The following TRPS1 variants were observed in gnomAD, a reference collection of about 807,000 sequenced individuals.
TRPS1 encodes the protein transcriptional repressor GATA binding 1.
In TRPS1, 6 loss-of-function variants were observed where a neutral mutation model predicts 101.2. The observed-to-expected ratio is 0.06, with a 90% CI of 0.03 to 0.12. TRPS1 has a LOEUF of 0.12. TRPS1 is among the 10% of genes least tolerant of loss of function. TRPS1 has a pLI of 1.00. For missense variants in TRPS1, 1,363 were observed against 1,567.0 expected (o/e 0.87, Z 2.20); for synonymous variants, 578 against 589.8 (o/e 0.98, Z 0.29).
chr8:115,530,030 C>T lies in TRPS1; in HGVS notation c.2700+56971G>A, dbSNP rs534725951. Among the ~76,000 whole-genome samples the T allele has an allele frequency of 4.3e-4, 65 of 152,146 alleles. No homozygotes were observed. In the South Asian group the frequency reaches 8.7e-3, roughly 20 times the overall value. ...GTAACCAAAAGCTGAGCCTGAATAT[C>T]GGGTTCCTATATTTTCCTCCCAATC... On this transcript the variant is annotated intron_variant, in intron 5 of 6. Transcript: ENST00000395715.
chr8:115,510,118 T>C (rs897738671), intron 5 of TRPS1, among the ~76,000 whole-genome samples: 1 of 152,010 alleles, frequency 6.6e-6, no homozygotes, highest in African/African-American at 2.4e-5. Flanking sequence ...CAAATTAGCC[T>C]CTGTGCATCC....
intron 5 of TRPS1, among the ~76,000 whole-genome samples, chr8:115,524,972 A>G (rs1815959875): frequency 6.6e-6 from 1 of 152,208 alleles, no homozygotes; most frequent in African/African-American, 2.4e-5. Context: ...TGAAGGAGTC[A>G]TTAGTTCAAA....
chr8:115,509,886 T>G (rs773587886), intron 5 of TRPS1, among the ~76,000 whole-genome samples: 2 of 151,992 alleles, frequency 1.3e-5, no homozygotes, highest in Admixed American at 6.6e-5. Flanking sequence ...ACCCTGGAAG[T>G]ACTCATTCTT....
rs567224816 is a variant in TRPS1 at position 115,428,615 on chromosome 8, C to T, written c.2701-10163G>A. ...GTTAATGACAAACTATGAATGTGTC[C>T]ACAAAAAGAGCCTGACACCAAATAT... On this transcript the variant is annotated intron_variant, in intron 5 of 6. Coordinates refer to ENST00000395715, the MANE Select transcript of TRPS1 (RefSeq NM_014112.5). Among the ~76,000 whole-genome samples, 4 of 152,112 alleles carry T rather than the reference C, an allele frequency of 2.6e-5. No individual in the cohort carries two copies. The East Asian group carries it at 7.7e-4, about 29-fold the overall frequency.
intron 5 of TRPS1, among the ~76,000 whole-genome samples, chr8:115,500,802 T>C (rs1371147130): frequency 2.0e-5 from 3 of 152,078 alleles, no homozygotes; most frequent in African/African-American, 7.2e-5. Flanking sequence ...CTCGATCTCC[T>C]GACCTTGTAA....
chr8:115,599,882 T>A (rs35241757), intron 4 of TRPS1, among the ~76,000 whole-genome samples: 44,300 of 151,816 alleles, frequency 0.29, 7,593 homozygotes, highest in East Asian at 0.52. Context: ...GGTCAAATGG[T>A]ATTTCTGGTT....
chr8:115,524,317 TCC>T (rs1452537254), intron 5 of TRPS1, among the ~76,000 whole-genome samples: 1 of 134,326 alleles, frequency 7.4e-6, no homozygotes, highest in East Asian at 2.4e-4. Flanking sequence ...TTCTTCTTCT[TCC>T]TTTTTTTTTT....
Position 115,414,487 on chromosome 8 carries a change from A to G in TRPS1, c.3421T>C (p.Leu1141=). The change falls in exon 7 of 7, where the codon TTG becomes CTG. Residue 1141 remains leucine (L), a synonymous_variant. Coordinates refer to ENST00000395715, the MANE Select transcript of TRPS1 (RefSeq NM_014112.5). This position sits in a 1 kb window ranked among gnomAD's most constrained non-coding sequence, Gnocchi z 4.8. Reference sequence around the variant, plus strand: ...TTTGGTAGGCCAGGCACGTGACTCAAGTAGTGCGGATTCCCAGGAACGGAG... The same window carrying G: ...TTTGGTAGGCCAGGCACGTGACTCAGGTAGTGCGGATTCCCAGGAACGGAG... The part of the protein sequence containing the change: ...KLSVPGNPHY[L]SHVPGLPNPC... 3 of 1,613,934 alleles carry G rather than the reference A, an allele frequency of 1.9e-6. No homozygotes were observed. Among genetic ancestry groups the G allele is most frequent in the Non-Finnish European group, 2.5e-6 (3 of 1,179,946 alleles).
chr8:115,481,235 G>A (rs1321721482), intron 5 of TRPS1, among the ~76,000 whole-genome samples: 1 of 152,098 alleles, frequency 6.6e-6, no homozygotes, highest in Non-Finnish European at 1.5e-5. Flanking sequence ...AAGGCTGGTT[G>A]CCACCAAAAA....
intron 1 of TRPS1, 23 bp downstream of exon 1, chr8:115,668,522 C>G (rs1157734157): frequency 6.8e-6 from 1 of 146,422 alleles, no homozygotes; most frequent in African/African-American, 2.5e-5. Context: ...GCCCCGCGGC[C>G]CGCTCGGGCC....
chr8:115,659,447 A>T (rs984254513), intron 1 of TRPS1, among the ~76,000 whole-genome samples: 4 of 151,796 alleles, frequency 2.6e-5, no homozygotes, highest in African/African-American at 9.7e-5. Flanking sequence ...CAGGTAAAAC[A>T]TATCATTTTA....
chr8:115,628,271 C>T (rs1169145279), intron 1 of TRPS1, among the ~76,000 whole-genome samples: 1 of 151,834 alleles, frequency 6.6e-6, no homozygotes, highest in Non-Finnish European at 1.5e-5. Flanking sequence ...ACATATCCAA[C>T]AGATAACACA....
At chr8:115,422,310 T>C (rs185588261) in intron 5 of TRPS1, among the ~76,000 whole-genome samples, 3 of 152,236 alleles carry the variant, frequency 2.0e-5, no homozygotes, top group Non-Finnish European at 2.9e-5. Context: ...TGGGCAGAGA[T>C]GGTTGATGAT....
chr8:115,424,891 T>C (rs972405074), intron 5 of TRPS1, among the ~76,000 whole-genome samples: 1 of 152,204 alleles, frequency 6.6e-6, no homozygotes, highest in African/African-American at 2.4e-5. Context: ...ATTCAATAAG[T>C]GTTGAATATT....
At chr8:115,460,714 C>T (rs1298710814) in intron 5 of TRPS1, among the ~76,000 whole-genome samples, 1 of 152,042 alleles carries the variant, frequency 6.6e-6, no homozygotes, top group Non-Finnish European at 1.5e-5. Context: ...AGACTCAGAA[C>T]TGCTTTTCTT....
In TRPS1 at chr8:115,408,906, C is replaced by T. The variant is rs570144734; in HGVS notation, c.*5117G>A. ...TGGCGTTTATTATTGTGATATTTGC[C>T]TTATTGGTAGCCATTAAGAAACTAT... On this transcript the variant is annotated 3_prime_UTR_variant, in exon 7 of 7. Coordinates refer to ENST00000395715, the MANE Select transcript of TRPS1 (RefSeq NM_014112.5). 1 of 152,224 alleles carries T rather than the reference C, an allele frequency of 6.6e-6. No homozygotes were observed. The highest frequency in any genetic ancestry group is 2.1e-4 in the South Asian group (1 of 4,818). 9.4% of individuals were successfully genotyped at this position (152,224 alleles called of 1,614,324 possible).
chr8:115,525,278 A>G (rs540561099), intron 5 of TRPS1, among the ~76,000 whole-genome samples: 1 of 152,262 alleles, frequency 6.6e-6, no homozygotes, highest in African/African-American at 2.4e-5. Context: ...CACTAATTCA[A>G]TGCCCTACAA....
intron 1 of TRPS1, among the ~76,000 whole-genome samples, chr8:115,624,565 C>A (rs1818464532): frequency 6.6e-6 from 1 of 151,908 alleles, no homozygotes; most frequent in Non-Finnish European, 1.5e-5. Flanking sequence ...ATTTTCATTG[C>A]TGAGATATAA....
intron 5 of TRPS1, among the ~76,000 whole-genome samples, chr8:115,527,174 AG>A (rs1013006617): frequency 6.6e-6 from 1 of 152,138 alleles, no homozygotes; most frequent in Non-Finnish European, 1.5e-5. Flanking sequence ...CAAAGACTTC[AG>A]CCCTCAGCCT....
Sources: gnomAD v4.1 joint callset for allele counts (sites outside exome capture counted in the v4.1 genomes callset) on GRCh38, gnomAD v4.1.1 for gene constraint, Gnocchi (gnomAD v3.1) non-coding constraint, MANE v1.5 for transcripts, NCBI Gene and HGNC (gene_info 2026-07-23, HGNC 2026-07-21) for gene names.